DEPTOR: variants seen among roughly 807,000 people sequenced by gnomAD.
The protein encoded by DEPTOR is DEP domain containing MTOR interacting protein, also known as DEP domain-containing mTOR-interacting protein.
In DEPTOR, 41 loss-of-function variants were observed where a neutral mutation model predicts 41.6. The ratio of observed to expected loss-of-function variants is 0.98; its 90% CI spans 0.77 to 1.28. The LOEUF is 1.28. Among genes scored for constraint, DEPTOR ranks in the 50% most tolerant of loss-of-function variants. DEPTOR has a pLI of 0.00. For synonymous variants in DEPTOR, 195 were observed against 192.3 expected, an observed-to-expected ratio of 1.01 and a Z score of -0.12; for missense variants, 514 against 527.9, an observed-to-expected ratio of 0.97 and a Z score of 0.26.
At chr8:119,990,583 T>G (rs1270444186) in intron 4 of DEPTOR, among the ~76,000 whole-genome samples, 1 of 152,230 alleles carries the variant, frequency 6.6e-6, no homozygotes, top group South Asian at 2.1e-4. Context: ...CACAGTGTCA[T>G]GTTTGGTTTT....
At chr8:119,911,065 T>G (rs1281331078) in intron 1 of DEPTOR, among the ~76,000 whole-genome samples, 1 of 152,138 alleles carries the variant, frequency 6.6e-6, no homozygotes, top group East Asian at 1.9e-4. Context: ...CTCCACCCAT[T>G]GCCTCACAGG....
At chr8:120,034,449 T>C (rs1056197871) in intron 8 of DEPTOR, among the ~76,000 whole-genome samples, 25 of 131,484 alleles carry the variant, frequency 1.9e-4, no homozygotes, top group Non-Finnish European at 3.2e-4. Context: ...TTTTCTTTTT[T>C]TTTTTTTTTT....
intron 8 of DEPTOR, among the ~76,000 whole-genome samples, chr8:120,030,670 A>C (rs1812878195): frequency 6.6e-6 from 1 of 151,418 alleles, no homozygotes; most frequent in African/African-American, 2.4e-5. Context: ...ACACCCAGCT[A>C]ATTTTTGTAT....
At chr8:119,951,782 T>G (rs1388723709) in intron 3 of DEPTOR, among the ~76,000 whole-genome samples, 1 of 152,178 alleles carries the variant, frequency 6.6e-6, no homozygotes, top group African/African-American at 2.4e-5. Flanking sequence ...ATTTAAGACA[T>G]GGTGCCTGTT....
intron 3 of DEPTOR, among the ~76,000 whole-genome samples, chr8:119,939,667 G>A (rs967987885): frequency 3.3e-5 from 5 of 151,990 alleles, no homozygotes; most frequent in African/African-American, 7.2e-5. Flanking sequence ...TAGAGGTGGG[G>A]TTTTGCCATG....
intron 4 of DEPTOR, among the ~76,000 whole-genome samples, chr8:119,999,052 T>C (rs923112831): frequency 2.3e-4 from 35 of 151,156 alleles, no homozygotes; most frequent in Non-Finnish European, 3.7e-4. Flanking sequence ...TCACCTGAGG[T>C]TGGGAGTTTG....
chr8:120,007,898 C>T (rs1812469122), intron 7 of DEPTOR, among the ~76,000 whole-genome samples: 1 of 152,134 alleles, frequency 6.6e-6, no homozygotes, highest in Admixed American at 6.6e-5. Context: ...CATTTGCCTC[C>T]CTGTTTTTCC....
At chr8:120,031,094 C>G (rs955530035) in intron 8 of DEPTOR, among the ~76,000 whole-genome samples, 4 of 152,072 alleles carry the variant, frequency 2.6e-5, no homozygotes, top group African/African-American at 9.7e-5. Context: ...CTTTGGGGGC[C>G]CAAGGTGGGA....
chr8:119,992,893 G>A (rs1563585334), intron 4 of DEPTOR, among the ~76,000 whole-genome samples: 1 of 152,172 alleles, frequency 6.6e-6, no homozygotes, highest in Non-Finnish European at 1.5e-5. Context: ...CTGACCCCAG[G>A]TGACCCACCT....
intron 8 of DEPTOR, among the ~76,000 whole-genome samples, chr8:120,035,985 A>G (rs1812974392): frequency 6.6e-6 from 1 of 152,250 alleles, no homozygotes; most frequent in African/African-American, 2.4e-5. Flanking sequence ...TTCTCCCTTC[A>G]GCCTGATCTA....
In DEPTOR at chr8:120,023,800, G is replaced by GTT. The variant is rs11447693; in HGVS notation, c.1101+14679_1101+14680dup. 3.6e-3 allele frequency among the ~76,000 whole-genome samples: 525 copies of GTT among 144,724 alleles called. 2 individuals carry two copies. The highest frequency in any genetic ancestry group is 4.6e-3 in the Non-Finnish European group (305 of 66,224). 94.9% of individuals were successfully genotyped at this position (144,724 alleles called of 152,430 possible). On this transcript the variant is annotated intron_variant, in intron 8 of 8. Transcript: ENST00000286234. ...CTCCATGGTTTCAGTCACCTATTTT[G>GTT]TTTTTTTTTTTTTACTTTGCTTGGC... is the stretch of plus-strand genomic sequence containing the variant.
chr8:120,004,986 G>A (rs1372717326), intron 6 of DEPTOR, among the ~76,000 whole-genome samples: 1 of 152,128 alleles, frequency 6.6e-6, no homozygotes, highest in African/African-American at 2.4e-5. Flanking sequence ...GATGTTATCA[G>A]TATCATTGTG....
At chr8:119,954,930 C>A (rs997106110) in intron 3 of DEPTOR, among the ~76,000 whole-genome samples, 12 of 152,228 alleles carry the variant, frequency 7.9e-5, no homozygotes, top group African/African-American at 2.9e-4. Context: ...ACAATCTTGG[C>A]TCACTGGAAC....
At chr8:119,926,080 A>G (rs897886314) in intron 1 of DEPTOR, among the ~76,000 whole-genome samples, 19 of 152,172 alleles carry the variant, frequency 1.2e-4, no homozygotes, top group Non-Finnish European at 2.1e-4. Flanking sequence ...TTGTCTGGCT[A>G]CTTCTGTTTG....
At chr8:119,993,037 T>A (rs916845205) in intron 4 of DEPTOR, among the ~76,000 whole-genome samples, 2 of 152,156 alleles carry the variant, frequency 1.3e-5, no homozygotes, top group African/African-American at 4.8e-5. Context: ...CATGCATGAG[T>A]TGAATGGGAG....
intron 3 of DEPTOR, among the ~76,000 whole-genome samples, chr8:119,945,259 T>C (rs1828256810): frequency 6.6e-6 from 1 of 152,218 alleles, no homozygotes; most frequent in Non-Finnish European, 1.5e-5. Flanking sequence ...GAAATTTCAG[T>C]AAAACTAGTA....
chr8:119,950,739 C>T (rs1166677256), intron 3 of DEPTOR, among the ~76,000 whole-genome samples: 2 of 152,062 alleles, frequency 1.3e-5, no homozygotes, highest in African/African-American at 2.4e-5. Context: ...GGATTACAGG[C>T]GTGCACCACT....
intron 4 of DEPTOR, among the ~76,000 whole-genome samples, chr8:119,986,764 C>A (rs1828835604): frequency 6.6e-6 from 1 of 151,756 alleles, no homozygotes; most frequent in Non-Finnish European, 1.5e-5. Context: ...CTTCATGCTT[C>A]ATTTCATTAA....
At chr8:119,881,373 A>T (rs1827294332) in intron 1 of DEPTOR, among the ~76,000 whole-genome samples, 1 of 151,982 alleles carries the variant, frequency 6.6e-6, no homozygotes, top group African/African-American at 2.4e-5. Context: ...ATTACAAAAA[A>T]ATTAGCTGGG....
Sources: allele counts gnomAD v4.1 joint callset (sites outside exome capture counted in the v4.1 genomes callset), GRCh38; gene constraint gnomAD v4.1.1; transcripts MANE v1.5; gene names NCBI Gene and HGNC (gene_info 2026-07-23, HGNC 2026-07-21).